Variants in ZFAND3 observed in about 807,000 individuals in gnomAD.
ZFAND3 encodes the protein AN1-type zinc finger protein 3.
Under a neutral mutation model 29.6 loss-of-function variants are expected in ZFAND3, and 10 were observed. That is an observed-to-expected ratio of 0.34 (90% CI 0.21 to 0.57). ZFAND3 has a LOEUF of 0.57. Among genes scored for constraint, ZFAND3 ranks in the 20% least tolerant of loss-of-function variants. The pLI is 0.86. For synonymous variants in ZFAND3, 128 were observed against 112.6 expected (o/e 1.14, Z -0.87); for missense variants, 230 against 304.5 (o/e 0.76, Z 1.82).
chr6:37,840,339 T>A (rs1296395227), intron 1 of ZFAND3, among the ~76,000 whole-genome samples: 1 of 152,232 alleles, frequency 6.6e-6, no homozygotes, highest in Non-Finnish European at 1.5e-5. Context: ...GCTCAAGCAA[T>A]CCGCCTGCTT....
At chr6:37,912,568 T>C (rs1765542293) in intron 1 of ZFAND3, among the ~76,000 whole-genome samples, 3 of 152,162 alleles carry the variant, frequency 2.0e-5, no homozygotes, top group African/African-American at 7.2e-5. Context: ...ATAATGCTTT[T>C]GTAGTTGGTC....
intron 2 of ZFAND3, among the ~76,000 whole-genome samples, chr6:37,976,416 T>A (rs6912045): frequency 0.03 from 4,502 of 151,710 alleles, 178 homozygotes; most frequent in African/African-American, 0.086. Context: ...ACCCTGTCTC[T>A]ACCAAAAAAA....
At chr6:37,889,503 C>T (rs1011234492) in intron 1 of ZFAND3, among the ~76,000 whole-genome samples, 3 of 152,150 alleles carry the variant, frequency 2.0e-5, no homozygotes, top group African/African-American at 4.8e-5. Flanking sequence ...AGGTATGTTA[C>T]CAAGTATTAA....
At chr6:37,850,552 A>G (rs148069034) in intron 1 of ZFAND3, among the ~76,000 whole-genome samples, 2 of 152,280 alleles carry the variant, frequency 1.3e-5, no homozygotes, top group Non-Finnish European at 2.9e-5. Flanking sequence ...GTTTAGATAC[A>G]CAAATACCAC....
chr6:38,106,886 G>A (rs1250908325), intron 4 of ZFAND3, among the ~76,000 whole-genome samples: 1 of 152,116 alleles, frequency 6.6e-6, no homozygotes, highest in African/African-American at 2.4e-5. Flanking sequence ...TAATCGAGAA[G>A]CCTATATAAA....
intron 2 of ZFAND3, among the ~76,000 whole-genome samples, chr6:38,056,366 T>C (rs1764134572): frequency 6.6e-6 from 1 of 152,234 alleles, no homozygotes; most frequent in Admixed American, 6.5e-5. Flanking sequence ...AGAAAAAGTT[T>C]AGCAAAATTA....
intron 4 of ZFAND3, among the ~76,000 whole-genome samples, chr6:38,101,507 T>C (rs1172921931): frequency 2.6e-5 from 4 of 152,090 alleles, no homozygotes; most frequent in Non-Finnish European, 5.9e-5. Context: ...TAAGGATTTG[T>C]CTTGAGAGCA....
intron 4 of ZFAND3, among the ~76,000 whole-genome samples, chr6:38,110,561 G>C (rs1160395589): frequency 6.6e-6 from 1 of 152,202 alleles, no homozygotes; most frequent in African/African-American, 2.4e-5. Context: ...AAACAGCAGT[G>C]ATGTGTGAGG....
intron 1 of ZFAND3, among the ~76,000 whole-genome samples, chr6:37,892,268 T>G (rs1018724883): frequency 6.6e-6 from 1 of 152,206 alleles, no homozygotes; most frequent in Non-Finnish European, 1.5e-5. Context: ...TACTTTCAGA[T>G]GAATTCAAAT....
At chr6:37,831,186 G>A (rs1763853838) in intron 1 of ZFAND3, among the ~76,000 whole-genome samples, 1 of 152,206 alleles carries the variant, frequency 6.6e-6, no homozygotes, top group African/African-American at 2.4e-5. Context: ...TGCCTCTCAA[G>A]CCCTTGCCAC....
chr6:38,006,482 TC>T (rs750579168), intron 2 of ZFAND3, among the ~76,000 whole-genome samples: 9 of 152,144 alleles, frequency 5.9e-5, no homozygotes, highest in Non-Finnish European at 1.2e-4. Flanking sequence ...GTGCTTTTTG[TC>T]CTCATTCAGT....
intron 1 of ZFAND3, among the ~76,000 whole-genome samples, chr6:37,825,487 C>T (rs1283165006): frequency 2.0e-5 from 3 of 151,984 alleles, no homozygotes; most frequent in Non-Finnish European, 2.9e-5. Context: ...ATAGGAAACT[C>T]GTCCCTTTGA....
At chr6:38,087,034 A>G (rs561746484) in intron 4 of ZFAND3, among the ~76,000 whole-genome samples, 3 of 152,286 alleles carry the variant, frequency 2.0e-5, no homozygotes, top group East Asian at 3.9e-4. Context: ...AAACAAATCC[A>G]CACACCTACA....
rs1295234022 is a variant in ZFAND3 at position 38,022,717 on chromosome 6, C to T, written c.113-38876C>T. Among the ~76,000 whole-genome samples, 3 of 152,304 alleles carry T rather than the reference C, an allele frequency of 2.0e-5. No individual in the cohort carries two copies. In the East Asian group the frequency reaches 5.8e-4, roughly 29 times the overall value. On this transcript the variant is annotated intron_variant, in intron 2 of 5. Coordinates refer to ENST00000287218, the MANE Select transcript of ZFAND3 (RefSeq NM_021943.3). ...TTTGAGTCTAAAGACTTTAACCTTGCTTTTCTATCCCTTTACCATTTGGTC... is the reference window on the plus strand; with the variant it reads ...TTTGAGTCTAAAGACTTTAACCTTGTTTTTCTATCCCTTTACCATTTGGTC...
chr6:37,947,690 AATATAC>A (rs1761926788), intron 2 of ZFAND3, among the ~76,000 whole-genome samples: 2 of 152,084 alleles, frequency 1.3e-5, no homozygotes, highest in South Asian at 4.2e-4. Context: ...ATTTATGATT[AATATAC>A]ATATATTGCT....
intron 1 of ZFAND3, among the ~76,000 whole-genome samples, chr6:37,850,682 T>A (rs1052900021): frequency 6.6e-6 from 1 of 152,202 alleles, no homozygotes; most frequent in Non-Finnish European, 1.5e-5. Flanking sequence ...TTTTTCTAAG[T>A]ACACTGTATG....
At chr6:37,881,446 A>G (rs1283319122) in intron 1 of ZFAND3, among the ~76,000 whole-genome samples, 1 of 152,102 alleles carries the variant, frequency 6.6e-6, no homozygotes, top group Non-Finnish European at 1.5e-5. Flanking sequence ...AGTCATTATT[A>G]ATGCCAGAGA....
chr6:38,153,075 A>T lies in ZFAND3; in HGVS notation c.*686A>T. 1 of 985,522 alleles carries T rather than the reference A, an allele frequency of 1.0e-6. No individual in the cohort carries two copies. Among genetic ancestry groups the T allele is most frequent in the African/African-American group, 1.7e-5 (1 of 57,346 alleles). 61.0% of individuals were successfully genotyped at this position (985,522 alleles called of 1,614,324 possible). Reference sequence around the variant, plus strand: ...AATTAGCTCCACTCAAGACTAGTCCACGAACGAGACCCGCCTTTTCTACAC... The same window carrying T: ...AATTAGCTCCACTCAAGACTAGTCCTCGAACGAGACCCGCCTTTTCTACAC... On this transcript the variant is annotated 3_prime_UTR_variant, in exon 6 of 6. Coordinates refer to ENST00000287218, the MANE Select transcript of ZFAND3 (RefSeq NM_021943.3).
At chr6:37,939,201 C>T (rs1289825620) in intron 2 of ZFAND3, among the ~76,000 whole-genome samples, 2 of 152,152 alleles carry the variant, frequency 1.3e-5, no homozygotes, top group Non-Finnish European at 2.9e-5. Context: ...GTTCTGGAGG[C>T]CAGAAGTCTA....
Sources: gnomAD v4.1 joint callset for allele counts (sites outside exome capture counted in the v4.1 genomes callset) on GRCh38, gnomAD v4.1.1 for gene constraint, MANE v1.5 for transcripts, NCBI Gene and HGNC (gene_info 2026-07-23, HGNC 2026-07-21) for gene names.